ZNF385D: variants seen among roughly 807,000 people sequenced by gnomAD.
ZNF385D encodes the protein zinc finger protein 385D, also known as zinc finger protein 659.
Under a neutral mutation model 35.8 loss-of-function variants are expected in ZNF385D, and 15 were observed. The observed-to-expected ratio is 0.42, with a 90% CI of 0.28 to 0.64. The LOEUF (loss-of-function observed/expected upper bound fraction) is 0.64. Among genes scored for constraint, ZNF385D ranks in the 30% least tolerant of loss-of-function variants. The pLI, the probability that ZNF385D is intolerant of heterozygous loss-of-function variation, is 0.23. For synonymous variants in ZNF385D, 212 were observed against 186.8 expected (o/e 1.13, Z -1.10); for missense variants, 474 against 494.6 (o/e 0.96, Z 0.39).
chr3:21,438,683 A>C (rs2125239079), intron 4 of ZNF385D, among the ~76,000 whole-genome samples: 1 of 152,240 alleles, frequency 6.6e-6, no homozygotes, highest in Non-Finnish European at 1.5e-5. Flanking sequence ...CACACTTTCA[A>C]TCACTTATCT....
At chr3:21,766,786 T>G (rs368127370) in intron 3 of ZNF385D, among the ~76,000 whole-genome samples, 27 of 152,048 alleles carry the variant, frequency 1.8e-4, no homozygotes, top group African/African-American at 6.5e-4. Flanking sequence ...AGAAATAAAG[T>G]AGTGGAGATC....
chr3:21,917,459 T>C (rs1337255817), intron 3 of ZNF385D, among the ~76,000 whole-genome samples: 1 of 152,092 alleles, frequency 6.6e-6, no homozygotes, highest in Non-Finnish European at 1.5e-5. Flanking sequence ...GGTCTACCAT[T>C]TCTAGAGAGA....
chr3:22,211,555 T>G (rs1336830217), intron 2 of ZNF385D, among the ~76,000 whole-genome samples: 1 of 151,982 alleles, frequency 6.6e-6, no homozygotes, highest in Non-Finnish European at 1.5e-5. Context: ...AACCAGGAGA[T>G]GATACCAAGA....
At chr3:21,843,298 C>T (rs1004730502) in intron 3 of ZNF385D, among the ~76,000 whole-genome samples, 2 of 151,910 alleles carry the variant, frequency 1.3e-5, no homozygotes, top group African/African-American at 4.8e-5. Context: ...TATCACTTTG[C>T]TCTTTGTTGG....
intron 2 of ZNF385D, among the ~76,000 whole-genome samples, chr3:22,227,828 G>T (rs558994090): frequency 6.6e-6 from 1 of 152,236 alleles, no homozygotes; most frequent in African/African-American, 2.4e-5. Context: ...ATTAAAGTAG[G>T]TATAAATATG....
At chr3:22,001,321 A>T (rs1395492581) in intron 3 of ZNF385D, among the ~76,000 whole-genome samples, 1 of 85,288 alleles carries the variant, frequency 1.2e-5, no homozygotes, top group African/African-American at 7.0e-5. Flanking sequence ...ATGGAAACCA[A>T]AAACAAGCAG....
chr3:21,727,325 T>G (rs566788575), intron 1 of ZNF385D, among the ~76,000 whole-genome samples: 13 of 152,066 alleles, frequency 8.5e-5, no homozygotes, highest in Non-Finnish European at 1.5e-4. Context: ...TGACAAATGG[T>G]ATCTAATTAA....
rs189388153 is a variant in ZNF385D, at chr3:21,635,747, A to G, written c.165+29139T>C. Among the ~76,000 whole-genome samples, 481 of 152,158 alleles carry G rather than the reference A, an allele frequency of 3.2e-3. 1 individual carries two copies. The highest frequency in any genetic ancestry group is 0.011 in the African/African-American group (469 of 41,540). On this transcript the variant is annotated intron_variant, in intron 2 of 7. Coordinates refer to ENST00000281523, the MANE Select transcript of ZNF385D (RefSeq NM_024697.3). ...GTCCCGAGTCCCCAAAGTCCATTGT[A>G]TCATTCTTATGCCTTTACATTCTCA...
rs148733299 is a variant in ZNF385D, at chr3:22,270,830, A to T, written c.106+101620T>A. Among the ~76,000 whole-genome samples the T allele has an allele frequency of 8.6e-3, 1,301 of 152,060 alleles. 42 individuals carry two copies. The highest frequency in any genetic ancestry group is 0.058 in the Admixed American group (877 of 15,222). On this transcript the variant is annotated intron_variant, in intron 2 of 5. Transcript: ENST00000494108. ...TAAATGTATTGAACTTACTTATGTA[A>T]TTTTCCTCTGTTTTCTTTCTCTAAT...
chr3:21,803,659 T>G (rs1235932057), intron 3 of ZNF385D, among the ~76,000 whole-genome samples: 1 of 152,176 alleles, frequency 6.6e-6, no homozygotes, highest in East Asian at 1.9e-4. Context: ...ATAATTCAAA[T>G]GAAATGTAAC....
chr3:22,084,478 A>T (rs577105348), intron 3 of ZNF385D, among the ~76,000 whole-genome samples: 1 of 152,310 alleles, frequency 6.6e-6, no homozygotes, highest in East Asian at 1.9e-4. Flanking sequence ...AAAGAGACAA[A>T]GAAGGCCATT....
intron 1 of ZNF385D, among the ~76,000 whole-genome samples, chr3:21,732,561 A>T (rs2069070007): frequency 6.6e-6 from 1 of 152,180 alleles, no homozygotes; most frequent in Non-Finnish European, 1.5e-5. Flanking sequence ...TTGTGTTGTC[A>T]GTGTTCTGGA....
chr3:22,295,540 T>C (rs1352869), intron 2 of ZNF385D, among the ~76,000 whole-genome samples: 51,215 of 152,004 alleles, frequency 0.34, 8,833 homozygotes, highest in Non-Finnish European at 0.37. Flanking sequence ...AAAGTCACAA[T>C]GGGACATTCA....
intron 3 of ZNF385D, among the ~76,000 whole-genome samples, chr3:21,868,138 GCAAA>G (rs1339303806): frequency 6.6e-6 from 1 of 152,162 alleles, no homozygotes; most frequent in East Asian, 1.9e-4. Context: ...GCAGCAGTTG[GCAAA>G]CATTTTCTGT....
chr3:22,364,479 C>T (rs1209610614), intron 2 of ZNF385D, among the ~76,000 whole-genome samples: 1 of 152,038 alleles, frequency 6.6e-6, no homozygotes, highest in African/African-American at 2.4e-5. Context: ...ATACAAATGG[C>T]TAACGAGCAC....
Position 21,442,667 on chromosome 3 carries a change from C to CTT in ZNF385D, c.440-5466_440-5465dup, listed in dbSNP as rs5847097. Among the ~76,000 whole-genome samples, 868 of 144,092 alleles carry CTT rather than the reference C, an allele frequency of 6.0e-3. 10 individuals carry two copies. The highest frequency in any genetic ancestry group is 0.021 in the African/African-American group (820 of 39,430). 94.5% of individuals were successfully genotyped at this position (144,092 alleles called of 152,430 possible). On this transcript the variant is annotated intron_variant, in intron 4 of 7. Transcript: ENST00000281523. ...GCTTAAAAGTCCCTTTATTTGTGGG[C>CTT]TTTTTTTTTTTTCTTGTAAAATAAA...
Position 21,891,209 on chromosome 3 carries a change from C to T in ZNF385D, c.326-226181G>A, listed in dbSNP as rs936743978. Among the ~76,000 whole-genome samples the T allele has an allele frequency of 2.6e-5, 4 of 152,062 alleles. 1 individual carries two copies. Among genetic ancestry groups the T allele is most frequent in the African/African-American group, 7.2e-5 (3 of 41,474 alleles). On this transcript the variant is annotated intron_variant, in intron 3 of 5. Transcript: ENST00000494108. ...GAAGGTAATCAATAAACAGATATTT[C>T]GTTATTGTTATTATTGTTCTGTTTT...
At chr3:21,982,765 C>T (rs1694551642) in intron 3 of ZNF385D, among the ~76,000 whole-genome samples, 1 of 151,858 alleles carries the variant, frequency 6.6e-6, no homozygotes, top group Admixed American at 6.6e-5. Context: ...TTCTACTATA[C>T]CTAGTTTATT....
intron 4 of ZNF385D, among the ~76,000 whole-genome samples, chr3:21,473,439 T>G (rs1418491834): frequency 2.6e-5 from 4 of 152,098 alleles, no homozygotes; most frequent in Non-Finnish European, 5.9e-5. Flanking sequence ...TGGCAAATAG[T>G]ATCAAGGAAG....
Sources: gnomAD v4.1 joint callset for allele counts (sites outside exome capture counted in the v4.1 genomes callset) on GRCh38, gnomAD v4.1.1 for gene constraint, MANE v1.5 for transcripts, NCBI Gene and HGNC (gene_info 2026-07-23, HGNC 2026-07-21) for gene names.